TLE4: variants seen among roughly 807,000 people sequenced by gnomAD.
TLE4 encodes the protein transducin-like enhancer protein 4.
TLE4 carries 8 observed loss-of-function variants against 92.8 expected under a neutral mutation model. That is an observed-to-expected ratio of 0.09 (90% CI 0.05 to 0.16). TLE4 has a LOEUF of 0.16. Among genes scored for constraint, TLE4 ranks in the 10% least tolerant of loss-of-function variants. The probability of loss-of-function intolerance (pLI) is 1.00; values close to 1 mark genes in which losing one functional copy is unlikely to be tolerated. For missense variants in TLE4, 675 were observed against 997.6 expected (o/e 0.68, Z 4.36); for synonymous variants, 371 against 374.1 (o/e 0.99, Z 0.10).
intron 6 of TLE4, among the ~76,000 whole-genome samples, chr9:79,641,432 T>G (rs1399520003): frequency 6.6e-6 from 1 of 152,172 alleles, no homozygotes; most frequent in African/African-American, 2.4e-5. Flanking sequence ...GCTCTAATTA[T>G]TCTTAAATAA....
chr9:79,722,618 T>C lies in TLE4; in HGVS notation c.2137+17T>C. On this transcript the variant is annotated intron_variant, in intron 18 of 19. Coordinates refer to ENST00000376552, the MANE Select transcript of TLE4 (RefSeq NM_007005.6). Reference sequence around the variant, plus strand: ...CCCATTGTGGTAAGCAAGCACCTTTTGTCCATTTTCTGTCAACCAGAATTG... The same window carrying C: ...CCCATTGTGGTAAGCAAGCACCTTTCGTCCATTTTCTGTCAACCAGAATTG... 1.2e-6 allele frequency: 2 copies of C among 1,611,646 alleles called. No individual in the cohort carries two copies. The highest frequency in any genetic ancestry group is 1.7e-6 in the Non-Finnish European group (2 of 1,178,944).
Position 79,706,783 on chromosome 9 carries a change from C to G in TLE4, c.820C>G (p.Pro274Ala). ...SSPRGSPAHSPRENGLDKTRL... is the reference protein window; with the variant it reads ...SSPRGSPAHSARENGLDKTRL... ...CCCTCGAGGGAGCCCAGCACATTCC[C>G]CCAGAGAGAATGGCCTAGACAAGAC... is the stretch of plus-strand genomic sequence containing the variant. The change falls in exon 11 of 20, where the codon CCC becomes GCC. Residue 274 changes from proline (P) to alanine (A), a missense_variant. Physicochemically the swap from Pro to Ala is conservative, Grantham distance 27. Coordinates refer to ENST00000376552, the MANE Select transcript of TLE4 (RefSeq NM_007005.6). 2 of 1,614,130 alleles carry G rather than the reference C, an allele frequency of 1.2e-6. No individual in the cohort carries two copies. The highest frequency in any genetic ancestry group is 1.7e-6 in the Non-Finnish European group (2 of 1,180,016).
At chr9:79,580,715 C>CTT (rs371897356) in intron 4 of TLE4, among the ~76,000 whole-genome samples, 2 of 141,028 alleles carry the variant, frequency 1.4e-5, no homozygotes, top group African/African-American at 5.2e-5. Context: ...TACCCAGTGC[C>CTT]TTTTTTTTTT....
In TLE4 at chr9:79,709,660, C is replaced by T. The variant is rs376872078; in HGVS notation, c.1301C>T (p.Ala434Val). The T allele has an allele frequency of 8.7e-6, 14 of 1,614,138 alleles. No individual in the cohort carries two copies. The highest frequency in any genetic ancestry group is 1.2e-5 in the Non-Finnish European group (14 of 1,180,018). Residue 434 changes from alanine to valine, a missense_variant, in exon 14 of 20, where the codon GCA becomes GTA. Ala to Val is a moderately conservative substitution (Grantham distance 64). Coordinates refer to ENST00000376552, the MANE Select transcript of TLE4 (RefSeq NM_007005.6). ...CCACACCATCACATGCGTGTGCCAG[C>T]AATACCTCCAAACCTGACAGGCATT... Reference protein sequence around the residue: ...FDPHHHMRVPAIPPNLTGIPG... With the variant: ...FDPHHHMRVPVIPPNLTGIPG...
chr9:79,650,190 A>G (rs1291293911), intron 6 of TLE4, among the ~76,000 whole-genome samples: 1 of 152,112 alleles, frequency 6.6e-6, no homozygotes, highest in Non-Finnish European at 1.5e-5. Flanking sequence ...TGTTGGGATT[A>G]CAGGCGTGAG....
intron 6 of TLE4, among the ~76,000 whole-genome samples, chr9:79,651,892 A>G (rs1022500724): frequency 6.6e-6 from 1 of 152,192 alleles, no homozygotes; most frequent in Non-Finnish European, 1.5e-5. Flanking sequence ...AACTGCTTTA[A>G]CAGTTACTCA....
intron 8 of TLE4, among the ~76,000 whole-genome samples, chr9:79,683,870 A>G (rs1440151873): frequency 6.6e-6 from 1 of 152,218 alleles, no homozygotes; most frequent in Non-Finnish European, 1.5e-5. Flanking sequence ...TGTGGAGGGC[A>G]TGTACAATGA....
intron 8 of TLE4, among the ~76,000 whole-genome samples, chr9:79,697,116 A>G (rs2068470201): frequency 6.6e-6 from 1 of 152,218 alleles, no homozygotes; most frequent in African/African-American, 2.4e-5. Flanking sequence ...TTAGCATACA[A>G]GATTTATAGA....
At chr9:79,640,439 C>T (rs542221108) in intron 6 of TLE4, among the ~76,000 whole-genome samples, 55 of 151,594 alleles carry the variant, frequency 3.6e-4, no homozygotes, top group Admixed American at 7.2e-4. Context: ...TTTTTCACTC[C>T]GCCTATCTTC....
At chr9:79,661,757 C>T (rs2060557297) in intron 8 of TLE4, among the ~76,000 whole-genome samples, 1 of 152,100 alleles carries the variant, frequency 6.6e-6, no homozygotes, top group East Asian at 1.9e-4. Context: ...ATTGCTTTAA[C>T]TTTATCAGAT....
At chr9:79,627,587 T>C in intron 6 of TLE4, 139 bp downstream of exon 6, 1 of 791,064 alleles carries the variant, frequency 1.3e-6, no homozygotes, top group Non-Finnish European at 2.1e-6. Flanking sequence ...TTGCCTTCAA[T>C]CTCCTGTGAA....
intron 8 of TLE4, among the ~76,000 whole-genome samples, chr9:79,694,496 G>T (rs1002502215): frequency 6.6e-6 from 1 of 152,096 alleles, no homozygotes; most frequent in Non-Finnish European, 1.5e-5. Flanking sequence ...GTGAAAGCTC[G>T]AAATCGTTTC....
chr9:79,652,891 A>G, intron 7 of TLE4, 97 bp downstream of exon 7: 1 of 1,267,470 alleles, frequency 7.9e-7, no homozygotes. Context: ...ATTTAGTTTT[A>G]CCAGTGACTA....
chr9:79,583,193 G>C (rs919238054), intron 4 of TLE4, among the ~76,000 whole-genome samples: 2 of 152,110 alleles, frequency 1.3e-5, no homozygotes, highest in African/African-American at 4.8e-5. Context: ...CCAGGCTGTT[G>C]CTATTTCTAT....
At chr9:79,652,263 T>C (rs1360971983) in intron 6 of TLE4, among the ~76,000 whole-genome samples, 1 of 152,072 alleles carries the variant, frequency 6.6e-6, no homozygotes, top group Non-Finnish European at 1.5e-5. Flanking sequence ...CTCGGCTCAC[T>C]GCAAGCTCCA....
chr9:79,591,452 G>C (rs1045769597), intron 4 of TLE4, among the ~76,000 whole-genome samples: 1 of 152,188 alleles, frequency 6.6e-6, no homozygotes, highest in African/African-American at 2.4e-5. Flanking sequence ...ATTATAGAAG[G>C]CCTTGAATGC....
intron 8 of TLE4, among the ~76,000 whole-genome samples, chr9:79,660,162 A>G (rs1317665789): frequency 6.6e-6 from 1 of 152,220 alleles, no homozygotes; most frequent in African/African-American, 2.4e-5. Context: ...AGGCTATGCC[A>G]GGTTCTGCAA....
chr9:79,592,394 G>A (rs1483176036), intron 4 of TLE4, among the ~76,000 whole-genome samples: 3 of 150,388 alleles, frequency 2.0e-5, no homozygotes, highest in African/African-American at 7.4e-5. Flanking sequence ...TCCCACCTCA[G>A]CCTCCTGAAT....
At chr9:79,617,701 G>T (rs1348269547) in intron 5 of TLE4, among the ~76,000 whole-genome samples, 2 of 152,092 alleles carry the variant, frequency 1.3e-5, no homozygotes, top group Non-Finnish European at 2.9e-5. Flanking sequence ...TTTCTGGGCT[G>T]CAGTTTGCTT....
Sources: gnomAD v4.1 joint callset for allele counts (sites outside exome capture counted in the v4.1 genomes callset) on GRCh38, gnomAD v4.1.1 for gene constraint, MANE v1.5 for transcripts, NCBI Gene and HGNC (gene_info 2026-07-23, HGNC 2026-07-21) for gene names.